ANGPTL2: variants seen among roughly 807,000 people sequenced by gnomAD.
The protein encoded by ANGPTL2 is angiopoietin-related protein 2.
ANGPTL2 carries 25 observed loss-of-function variants against 52.8 expected under a neutral mutation model. The observed-to-expected ratio is 0.47, with a 90% CI of 0.35 to 0.66. ANGPTL2 has a LOEUF of 0.66. ANGPTL2 is among the 30% of genes least tolerant of loss of function. The pLI, the probability that ANGPTL2 is intolerant of heterozygous loss-of-function variation, is 0.01. For synonymous variants in ANGPTL2, 276 were observed against 277.4 expected, an observed-to-expected ratio of 1.00 and a Z score of 0.05; for missense variants, 546 against 656.9, an observed-to-expected ratio of 0.83 and a Z score of 1.84.
intron 3 of ANGPTL2, among the ~76,000 whole-genome samples, chr9:127,092,819 C>T (rs1042287434): frequency 6.6e-6 from 1 of 151,990 alleles, no homozygotes; most frequent in African/African-American, 2.4e-5. Flanking sequence ...AGCAGAGACA[C>T]AGGCTGTTCA....
intron 1 of ANGPTL2, among the ~76,000 whole-genome samples, chr9:127,120,071 G>A (rs1451078836): frequency 2.0e-5 from 3 of 152,256 alleles, no homozygotes; most frequent in Non-Finnish European, 4.4e-5. Context: ...GTTGTCTGGT[G>A]TAAGATCCAC....
At chr9:127,109,237 G>A (rs540469865) in intron 1 of ANGPTL2, among the ~76,000 whole-genome samples, 1 of 152,190 alleles carries the variant, frequency 6.6e-6, no homozygotes, top group African/African-American at 2.4e-5. Context: ...CTTTCCCCTT[G>A]TAATACCCAT....
intron 2 of ANGPTL2, among the ~76,000 whole-genome samples, chr9:127,097,148 G>T (rs187126520): frequency 7.2e-5 from 11 of 152,318 alleles, no homozygotes; most frequent in African/African-American, 2.4e-4. Flanking sequence ...ACAGTTCTTT[G>T]TCGAGGTGTA....
intron 2 of ANGPTL2, among the ~76,000 whole-genome samples, chr9:127,098,999 G>T (rs2053452436): frequency 6.6e-6 from 1 of 152,222 alleles, no homozygotes; most frequent in Non-Finnish European, 1.5e-5. Flanking sequence ...TGACCTTGAG[G>T]CTGGGAGCTA....
At chr9:127,093,964 C>G in intron 2 of ANGPTL2, 38 bp from the exon 3 acceptor site, 2 of 1,596,954 alleles carry the variant, frequency 1.3e-6, no homozygotes, top group African/African-American at 2.7e-5. Flanking sequence ...ACAGACCTGC[C>G]TGTCACCAGG....
chr9:127,088,251 G>T lies in ANGPTL2; in HGVS notation c.*688C>A, dbSNP rs373222674. 6 of 152,318 alleles carry T rather than the reference G, an allele frequency of 3.9e-5. No homozygotes were observed. The highest frequency in any genetic ancestry group is 1.9e-4 in the East Asian group (1 of 5,182). 9.4% of individuals were successfully genotyped at this position (152,318 alleles called of 1,614,324 possible). ...AGAATGGGGAAAAGTATGAAAATGT[G>T]GGGGGAGGGATTTTGAAATTTGATT... On this transcript the variant is annotated 3_prime_UTR_variant, in exon 5 of 5. Coordinates refer to ENST00000373425, the MANE Select transcript of ANGPTL2 (RefSeq NM_012098.3).
chr9:127,098,410 T>A (rs758906246), intron 2 of ANGPTL2, among the ~76,000 whole-genome samples: 13 of 152,138 alleles, frequency 8.5e-5, no homozygotes, highest in Non-Finnish European at 1.6e-4. Context: ...CTCATCTCTA[T>A]AAAGACCACA....
At chr9:127,102,574 AAT>A (rs1485033743) in intron 2 of ANGPTL2, among the ~76,000 whole-genome samples, 1 of 152,142 alleles carries the variant, frequency 6.6e-6, no homozygotes, top group African/African-American at 2.4e-5. Context: ...TATGACTGTA[AAT>A]ACCCTGAGCA....
chr9:127,108,721 A>G lies in ANGPTL2; in HGVS notation c.11T>C (p.Leu4Pro), dbSNP rs2054510774. 1.1e-5 allele frequency: 17 copies of G among 1,606,930 alleles called. No homozygotes were observed. The highest frequency in any genetic ancestry group is 1.4e-5 in the Non-Finnish European group (17 of 1,175,248). ...TCCGAGCCACCAGCATGTCACGCACAGTGGCCTCATGGTCCTTGCAAAATG... is the reference window on the plus strand; with the variant it reads ...TCCGAGCCACCAGCATGTCACGCACGGTGGCCTCATGGTCCTTGCAAAATG... The part of the protein sequence containing the change: MRP[L>P]CVTCWWLGLL... Residue 4 changes from leucine (L) to proline (P), a missense_variant, in exon 2 of 5, where the codon CTG becomes CCG. By Grantham distance (98) the Leu-to-Pro change is moderately conservative. Transcript: ENST00000373425.
At chr9:127,117,642 G>C (rs927718657) in intron 1 of ANGPTL2, among the ~76,000 whole-genome samples, 4 of 152,250 alleles carry the variant, frequency 2.6e-5, no homozygotes, top group South Asian at 2.1e-4. Flanking sequence ...GAGAGGAATG[G>C]TGTGGCACCC....
intron 2 of ANGPTL2, among the ~76,000 whole-genome samples, chr9:127,095,244 A>C (rs1461137159): frequency 1.3e-5 from 2 of 152,044 alleles, no homozygotes; most frequent in African/African-American, 4.8e-5. Context: ...TAAAAATACA[A>C]AAAATTAGCC....
intron 1 of ANGPTL2, among the ~76,000 whole-genome samples, chr9:127,118,318 A>T (rs1329375753): frequency 1.3e-5 from 2 of 152,240 alleles, no homozygotes; most frequent in African/African-American, 2.4e-5. Context: ...CAGTTTTGTC[A>T]TAGAAACTAC....
At chr9:127,102,910 G>A (rs973191464) in intron 2 of ANGPTL2, among the ~76,000 whole-genome samples, 14 of 152,220 alleles carry the variant, frequency 9.2e-5, no homozygotes, top group Non-Finnish European at 1.5e-4. Flanking sequence ...AACAGCACAC[G>A]CTCTGGAGGC....
At chr9:127,109,385 C>T (rs890980396) in intron 1 of ANGPTL2, among the ~76,000 whole-genome samples, 2 of 152,140 alleles carry the variant, frequency 1.3e-5, no homozygotes, top group Non-Finnish European at 2.9e-5. Flanking sequence ...ACAAATGAAT[C>T]GTTAGACATG....
chr9:127,089,274 A>G lies in ANGPTL2; in HGVS notation c.1283-136T>C, dbSNP rs577841438. 3.8e-5 allele frequency: 33 copies of G among 870,126 alleles called. No individual in the cohort carries two copies. In the African/African-American group the frequency reaches 5.0e-4, roughly 13 times the overall value. 53.9% of individuals were successfully genotyped at this position (870,126 alleles called of 1,614,324 possible). The stretch of plus-strand genomic sequence containing the variant: ...ACGCTTGAAAGGTGGACCCGTCTCC[A>G]TGGGTGGTGAGAGGCCATGCTTCAG... On this transcript the variant is annotated intron_variant, in intron 4 of 4. Transcript: ENST00000373425.
At chr9:127,120,815 G>A (rs1242650971) in intron 1 of ANGPTL2, among the ~76,000 whole-genome samples, 2 of 150,022 alleles carry the variant, frequency 1.3e-5, no homozygotes, top group African/African-American at 2.5e-5. Flanking sequence ...GTGACAGAGC[G>A]AGACTCCATC....
At chr9:127,097,272 T>A (rs192735652) in intron 2 of ANGPTL2, among the ~76,000 whole-genome samples, 48 of 152,380 alleles carry the variant, frequency 3.2e-4, no homozygotes, top group Middle Eastern at 3.4e-3. Context: ...TTTTTCTTTT[T>A]TTAAAAAAGG....
rs1228023802 is a variant in ANGPTL2, at chr9:127,093,761, T to C, written c.983A>G (p.Asn328Ser). Residue 328 changes from asparagine to serine, a missense_variant, in exon 3 of 5, where the codon AAC becomes AGC. Asn to Ser is a conservative substitution (Grantham distance 46). Transcript: ENST00000373425. ...VIQRRLDGSV[N>S]FFRNWETYKQ... ...GTACGTCTCCCAGTTCCTGAAGAAG[T>C]TAACAGAGCCATCCAGGCGTCTCTG... 4.3e-6 allele frequency: 7 copies of C among 1,613,864 alleles called. No individual in the cohort carries two copies. Among genetic ancestry groups the C allele is most frequent in the Non-Finnish European group, 5.9e-6 (7 of 1,179,968 alleles).
At chr9:127,117,135 A>G (rs760856869) in intron 1 of ANGPTL2, among the ~76,000 whole-genome samples, 61 of 152,094 alleles carry the variant, frequency 4.0e-4, no homozygotes, top group Non-Finnish European at 7.1e-4. Flanking sequence ...ACCTTCCCCC[A>G]CTGTCCTGGC....
Sources: allele counts gnomAD v4.1 joint callset (sites outside exome capture counted in the v4.1 genomes callset), GRCh38; gene constraint gnomAD v4.1.1; transcripts MANE v1.5; gene names NCBI Gene and HGNC (gene_info 2026-07-23, HGNC 2026-07-21).